The following USP37 variants were observed in gnomAD, a reference collection of about 807,000 sequenced individuals.
The protein encoded by USP37 is ubiquitin carboxyl-terminal hydrolase 37.
USP37 carries 27 observed loss-of-function variants against 124.0 expected under a neutral mutation model. The ratio of observed to expected loss-of-function variants is 0.22; its 90% CI spans 0.16 to 0.30. The LOEUF is 0.30. Ranked by LOEUF, USP37 falls within the 10% of genes least tolerant of loss-of-function variation. USP37 has a pLI of 1.00. For missense variants in USP37, 889 were observed against 1,140.4 expected (o/e 0.78, Z 3.17); for synonymous variants, 365 against 388.0 (o/e 0.94, Z 0.70).
chr2:218,496,146 T>C (rs1689068083), intron 13 of USP37, among the ~76,000 whole-genome samples, 196 bp from the exon 14 acceptor site: 1 of 151,794 alleles, frequency 6.6e-6, no homozygotes, highest in African/African-American at 2.4e-5. Flanking sequence ...ATACAAAAAT[T>C]AGCCAGGTGT....
At chr2:218,479,859 G>T in intron 17 of USP37, 144 bp from the exon 18 acceptor site, 1 of 422,850 alleles carries the variant, frequency 2.4e-6, no homozygotes, top group Non-Finnish European at 3.5e-6. Context: ...TAAATTACTA[G>T]CAATAGGCCA....
At chr2:218,514,846 ACATT>A (rs1202645366) in intron 10 of USP37, among the ~76,000 whole-genome samples, 1 of 152,220 alleles carries the variant, frequency 6.6e-6, no homozygotes, top group Non-Finnish European at 1.5e-5. Context: ...CAGTCTCTAC[ACATT>A]CATTCATTCA....
In USP37 at chr2:218,483,924, C is replaced by T. The variant is rs923360356; in HGVS notation, c.1671-1690G>A. Among the ~76,000 whole-genome samples, 7 of 152,234 alleles carry T rather than the reference C, an allele frequency of 4.6e-5. No homozygotes were observed. In the South Asian group the frequency reaches 1.2e-3, roughly 27 times the overall value. ...CTATGATTTATACACTTGAGGAGGC[C>T]GAGGCGGCCACATCACCTGAGGTCA... On this transcript the variant is annotated intron_variant, in intron 16 of 25. Coordinates refer to ENST00000258399, the MANE Select transcript of USP37 (RefSeq NM_020935.3).
chr2:218,515,411 A>T (rs1690222641), intron 10 of USP37, among the ~76,000 whole-genome samples: 1 of 152,204 alleles, frequency 6.6e-6, no homozygotes, highest in African/African-American at 2.4e-5. Flanking sequence ...CAGCCATCTG[A>T]TCTTTGACAA....
rs374461423 is a variant in USP37 at position 218,469,885 on chromosome 2, A to G, written c.2300-3709T>C. The stretch of plus-strand genomic sequence containing the variant: ...GCCCAGGCTGGAGTGCAGTGGCACC[A>G]TCTCGACTCACTGCAACCTCTGCCT... On this transcript the variant is annotated intron_variant, in intron 20 of 25. Coordinates refer to ENST00000258399, the MANE Select transcript of USP37 (RefSeq NM_020935.3). 3.1e-5 allele frequency among the ~76,000 whole-genome samples: 4 copies of G among 130,414 alleles called. No individual in the cohort carries two copies. In the East Asian group the frequency reaches 8.9e-4, roughly 29 times the overall value. The allele number at this position is 130,414 out of a possible 152,430, so 85.6% of individuals were successfully genotyped here.
chr2:218,509,664 A>G (rs1689870739), intron 11 of USP37, among the ~76,000 whole-genome samples: 1 of 152,158 alleles, frequency 6.6e-6, no homozygotes, highest in African/African-American at 2.4e-5. Flanking sequence ...ATATATATAT[A>G]ACCATGAAGA....
chr2:218,528,218 A>G (rs1394608757), intron 10 of USP37: 1 of 152,136 alleles, frequency 6.6e-6, no homozygotes, highest in Non-Finnish European at 1.5e-5. Context: ...ACAAACAAAC[A>G]TATGACTTAA....
intron 10 of USP37, among the ~76,000 whole-genome samples, chr2:218,525,689 A>T (rs1559207569): frequency 3.3e-5 from 5 of 151,896 alleles, no homozygotes; most frequent in African/African-American, 9.7e-5. Context: ...TACAATATAA[A>T]TTTTTTTCTA....
chr2:218,461,816 C>A lies in USP37; in HGVS notation c.2527+1490G>T, dbSNP rs145182102. Among the ~76,000 whole-genome samples, 15 of 152,048 alleles carry A rather than the reference C, an allele frequency of 9.9e-5. 1 individual carries two copies. Among genetic ancestry groups the A allele is most frequent in the African/African-American group, 3.6e-4 (15 of 41,470 alleles). On this transcript the variant is annotated intron_variant, in intron 22 of 25. Transcript: ENST00000258399. ...CCTGAGATCAGGAGTTCGAGACCAG[C>A]CTGGGCAACATGCCAAAACTCCATC...
intron 4 of USP37, 26 bp downstream of exon 4, chr2:218,558,472 T>G (rs753163730): frequency 6.3e-7 from 1 of 1,599,664 alleles, no homozygotes; most frequent in Non-Finnish European, 8.5e-7. Context: ...CTTCAAGAGC[T>G]ATTCCAAATC....
intron 10 of USP37, among the ~76,000 whole-genome samples, chr2:218,511,727 G>A (rs534452400): frequency 2.1e-4 from 32 of 152,178 alleles, no homozygotes; most frequent in African/African-American, 6.3e-4. Flanking sequence ...GATTACAGGC[G>A]TGAGCCACTG....
Position 218,546,962 on chromosome 2 carries a change from T to C in USP37, c.559A>G (p.Thr187Ala). ...SGIARTIPSL[T>A]STSTPLRSGL... ...GATCTAAGAGGTGTTGAAGTAGATGTCAAAGAAGGAATCGTCCGAGCTATT... is the reference window on the plus strand; with the variant it reads ...GATCTAAGAGGTGTTGAAGTAGATGCCAAAGAAGGAATCGTCCGAGCTATT... Residue 187 changes from threonine to alanine, a missense_variant, in exon 7 of 26, where the codon ACA (threonine) becomes GCA (alanine). Thr to Ala is a moderately conservative substitution (Grantham distance 58, BLOSUM62 0). Coordinates refer to ENST00000258399, the MANE Select transcript of USP37 (RefSeq NM_020935.3). 1 of 1,612,874 alleles carries C rather than the reference T, an allele frequency of 6.2e-7. No homozygotes were observed. Among genetic ancestry groups the C allele is most frequent in the South Asian group, 1.1e-5 (1 of 90,696 alleles).
At chr2:218,519,168 T>C (rs531636352) in intron 10 of USP37, among the ~76,000 whole-genome samples, 69 of 152,214 alleles carry the variant, frequency 4.5e-4, no homozygotes, top group Non-Finnish European at 9.8e-4. Context: ...TATACTTCCA[T>C]TGTAAATACT....
At chr2:218,478,174 GAA>G (rs1381441677) in intron 18 of USP37, among the ~76,000 whole-genome samples, 2 of 152,160 alleles carry the variant, frequency 1.3e-5, no homozygotes, top group Admixed American at 1.3e-4. Context: ...GTAGATCAAA[GAA>G]AAGAGGCAAG....
Position 218,454,615 on chromosome 2 carries a change from T to G in USP37, c.*315A>C. 5.3e-6 allele frequency: 1 copy of G among 188,732 alleles called. No individual in the cohort carries two copies. Among genetic ancestry groups the G allele is most frequent in the Non-Finnish European group, 1.1e-5 (1 of 92,586 alleles). The allele number at this position is 188,732 out of a possible 1,614,324, so 11.7% of individuals were successfully genotyped here. On this transcript the variant is annotated 3_prime_UTR_variant, in exon 26 of 26. Transcript: ENST00000258399. ...ACTCTTTAAGGCTCCATTCATCCCG[T>G]GTGTGTGTGTGTGTGTCTGTGTGTG...
chr2:218,482,392 G>A (rs547967901), intron 16 of USP37, among the ~76,000 whole-genome samples, 158 bp from the exon 17 acceptor site: 1 of 152,330 alleles, frequency 6.6e-6, no homozygotes, highest in South Asian at 2.1e-4. Flanking sequence ...ATACCTGTTA[G>A]TGCCAGGCAT....
intron 14 of USP37, among the ~76,000 whole-genome samples, chr2:218,489,413 A>G (rs148292265): frequency 6.6e-6 from 1 of 151,392 alleles, no homozygotes; most frequent in East Asian, 1.9e-4. Flanking sequence ...AACACCATCA[A>G]CTCCCTAGAA....
intron 20 of USP37, among the ~76,000 whole-genome samples, chr2:218,471,196 T>C (rs1171623953): frequency 6.6e-6 from 1 of 151,924 alleles, no homozygotes. Flanking sequence ...GAGTTGGGAG[T>C]TGGGGTTTTG....
chr2:218,566,116 G>A (rs1302749285), intron 1 of USP37, among the ~76,000 whole-genome samples: 1 of 152,132 alleles, frequency 6.6e-6, no homozygotes, highest in Non-Finnish European at 1.5e-5. Context: ...ATGGAATGAT[G>A]AGTCTTAAGA....
Sources: gnomAD v4.1 joint callset for allele counts (sites outside exome capture counted in the v4.1 genomes callset) on GRCh38, gnomAD v4.1.1 for gene constraint, MANE v1.5 for transcripts, NCBI Gene and HGNC (gene_info 2026-07-23, HGNC 2026-07-21) for gene names.